Variants in DAPK2 observed in about 807,000 individuals in gnomAD.
DAPK2 encodes the protein death-associated protein kinase 2.
In DAPK2, 35 loss-of-function variants were observed where a neutral mutation model predicts 44.1. The observed-to-expected ratio is 0.79, with a 90% CI of 0.61 to 1.05. The LOEUF (loss-of-function observed/expected upper bound fraction) is 1.05, where lower values mean the gene tolerates loss of function less well. DAPK2 is among the 50% of genes least tolerant of loss of function. The pLI is 0.00. For missense variants in DAPK2, 453 were observed against 483.2 expected (o/e 0.94, Z 0.59); for synonymous variants, 174 against 182.6 (o/e 0.95, Z 0.38).
intron 1 of DAPK2, among the ~76,000 whole-genome samples, chr15:64,021,814 G>C (rs889390112): frequency 2.6e-4 from 40 of 152,184 alleles, no homozygotes; most frequent in African/African-American, 9.4e-4. Flanking sequence ...AGTACAATTA[G>C]TTAAGTGGAA....
chr15:64,038,189 A>G (rs1483636889), intron 1 of DAPK2, among the ~76,000 whole-genome samples: 3 of 152,148 alleles, frequency 2.0e-5, no homozygotes, highest in Non-Finnish European at 4.4e-5. Context: ...CTCTAGTCCA[A>G]TCCAAGAATG....
chr15:63,973,010 T>A (rs988699990), intron 2 of DAPK2, among the ~76,000 whole-genome samples: 2 of 152,160 alleles, frequency 1.3e-5, no homozygotes, highest in Non-Finnish European at 2.9e-5. Flanking sequence ...ATTTCAGAGA[T>A]CGTGGGGGTG....
At chr15:63,946,908 G>A (rs749396734) in intron 3 of DAPK2, among the ~76,000 whole-genome samples, 2 of 152,294 alleles carry the variant, frequency 1.3e-5, no homozygotes, top group South Asian at 2.1e-4. Context: ...AAGGAAGGCC[G>A]CTCCATGCTA....
At chr15:63,961,634 GA>G (rs1415350629) in intron 3 of DAPK2, among the ~76,000 whole-genome samples, 2 of 152,158 alleles carry the variant, frequency 1.3e-5, no homozygotes, top group Non-Finnish European at 2.9e-5. Context: ...ATTCTGGGTT[GA>G]AAATTCTTTT....
chr15:64,035,240 T>C (rs1595920953), intron 1 of DAPK2, among the ~76,000 whole-genome samples: 1 of 152,296 alleles, frequency 6.6e-6, no homozygotes, highest in Non-Finnish European at 1.5e-5. Flanking sequence ...CTTCATTATA[T>C]GCTGCTTACG....
Position 63,908,326 on chromosome 15 carries a change from C to T in DAPK2, c.*194G>A. 2.4e-6 allele frequency: 1 copy of T among 420,556 alleles called. No homozygotes were observed. The highest frequency in any genetic ancestry group is 6.4e-5 in the South Asian group (1 of 15,644). 26.1% of individuals were successfully genotyped at this position (420,556 alleles called of 1,614,324 possible). A position where few individuals can be genotyped will look rare whatever the true frequency, so the allele number is the denominator to read the frequency against. ...AAGAGCTTTGGGAATGCTGGAGCCTCCTCCACAGAAGACAGCCACAGCTCC... is the reference window on the plus strand; with the variant it reads ...AAGAGCTTTGGGAATGCTGGAGCCTTCTCCACAGAAGACAGCCACAGCTCC... On this transcript the variant is annotated 3_prime_UTR_variant, in exon 11 of 11. Coordinates refer to ENST00000261891, the Ensembl canonical transcript of DAPK2. The surrounding 1 kb of genome is among the most constrained non-coding windows in gnomAD (Gnocchi z 5.7).
Position 63,985,306 on chromosome 15 carries a change from C to T in DAPK2, c.93-1552G>A, listed in dbSNP as rs367806806. Reference sequence around the variant, plus strand: ...GAGCTGTGCACACACTAAGGGCTGACGCAGGTGGAGTGGAGCCAGGCCTCC... The same window carrying T: ...GAGCTGTGCACACACTAAGGGCTGATGCAGGTGGAGTGGAGCCAGGCCTCC... On this transcript the variant is annotated intron_variant, in intron 1 of 10. Transcript: ENST00000261891. Among the ~76,000 whole-genome samples, 30 of 152,220 alleles carry T rather than the reference C, an allele frequency of 2.0e-4. 2 individuals carry two copies. The highest frequency in any genetic ancestry group is 7.2e-4 in the Admixed American group (11 of 15,284).
rs1452584460 is a variant in DAPK2 at position 63,917,588 on chromosome 15, A to G, written c.859-5391T>C. The G allele has an allele frequency of 6.6e-6, 1 of 152,056 alleles. No individual in the cohort carries two copies. The highest frequency in any genetic ancestry group is 2.4e-5 in the African/African-American group (1 of 41,398). The allele number at this position is 152,056 out of a possible 1,614,324, so 9.4% of individuals were successfully genotyped here. On this transcript the variant is annotated intron_variant, in intron 8 of 10. Coordinates refer to ENST00000261891, the Ensembl canonical transcript of DAPK2. The surrounding 1 kb of genome is among the most constrained non-coding windows in gnomAD (Gnocchi z 4.4). The stretch of plus-strand genomic sequence containing the variant: ...TTATACTTCTGTGCAAGTTTTGGCA[A>G]TTTTCCTGCTGAGGGGACCATAACA...
At chr15:63,928,722 A>T (rs2079397243) in intron 6 of DAPK2, among the ~76,000 whole-genome samples, 1 of 152,188 alleles carries the variant, frequency 6.6e-6, no homozygotes, top group South Asian at 2.1e-4. Context: ...GAGGTAACTC[A>T]CTACACACTG....
intron 1 of DAPK2, among the ~76,000 whole-genome samples, chr15:64,002,950 GTGTGTGTGTGTGTGTCGTGGGACC>G (rs2079124379): frequency 7.4e-6 from 1 of 134,608 alleles, no homozygotes. Flanking sequence ...GTGTGTGTGT[GTGTGTGTGTGTGTGTCGTGGGACC>G]TGTGTGTGTG....
intron 3 of DAPK2, among the ~76,000 whole-genome samples, chr15:63,947,431 A>G (rs983773983): frequency 1.8e-4 from 28 of 152,296 alleles, no homozygotes; most frequent in African/African-American, 6.3e-4. Context: ...TGTTTACTGG[A>G]CAAATAAAGA....
rs115418485 is a variant in DAPK2 at position 63,980,814 on chromosome 15, G to T, written c.314+2719C>A. Among the ~76,000 whole-genome samples, 715 of 152,316 alleles carry T rather than the reference G, an allele frequency of 4.7e-3. 5 individuals carry two copies. Among genetic ancestry groups the T allele is most frequent in the African/African-American group, 0.017 (692 of 41,570 alleles). ...ACCTTTAAGACGTGATTGGGTCGGG[G>T]TGCGGTGGCTCACGCCTGTAATCCC... On this transcript the variant is annotated intron_variant, in intron 2 of 10. Transcript: ENST00000261891. The surrounding 1 kb of genome is among the most constrained non-coding windows in gnomAD (Gnocchi z 4.3).
chr15:63,928,097 G>A (rs1177370347), intron 6 of DAPK2, among the ~76,000 whole-genome samples: 4 of 152,162 alleles, frequency 2.6e-5, no homozygotes, highest in South Asian at 2.1e-4. Flanking sequence ...AGACCGTTCT[G>A]GCTCTGATCT....
chr15:63,993,930 C>A (rs544715566), intron 1 of DAPK2, among the ~76,000 whole-genome samples: 55 of 152,200 alleles, frequency 3.6e-4, no homozygotes, highest in Non-Finnish European at 1.9e-4. Context: ...TCTGGGTTTC[C>A]TACCGCACAG....
chr15:63,959,613 C>A (rs1413530230), intron 3 of DAPK2, among the ~76,000 whole-genome samples: 2 of 152,170 alleles, frequency 1.3e-5, no homozygotes, highest in African/African-American at 2.4e-5. Context: ...TTGAGATAAT[C>A]ATGTGGTTTT....
intron 3 of DAPK2, among the ~76,000 whole-genome samples, chr15:63,941,415 G>T (rs958324191): frequency 6.6e-6 from 1 of 152,184 alleles, no homozygotes; most frequent in Non-Finnish European, 1.5e-5. Flanking sequence ...GTCCTCAGCC[G>T]GAAGGAGGAC....
At chr15:63,911,976 C>T (rs756118915) in exon 10 of DAPK2, 24 of 1,613,762 alleles carry the variant, frequency 1.5e-5, no homozygotes, top group South Asian at 9.9e-5. Context: ...CACAGGGACA[C>T]GATGCTGAAG....
At chr15:63,935,878 T>C (rs2077131424) in intron 4 of DAPK2, 1 of 152,200 alleles carries the variant, frequency 6.6e-6, no homozygotes, top group Non-Finnish European at 1.5e-5. Flanking sequence ...TTCAACTCTC[T>C]CCTTAGCTGT....
chr15:64,003,438 C>T (rs1472997351), intron 1 of DAPK2, among the ~76,000 whole-genome samples: 1 of 152,202 alleles, frequency 6.6e-6, no homozygotes, highest in Non-Finnish European at 1.5e-5. Flanking sequence ...AAAATCATGT[C>T]CTTACAGGGC....
Sources: allele counts gnomAD v4.1 joint callset (sites outside exome capture counted in the v4.1 genomes callset), GRCh38; gene constraint gnomAD v4.1.1; non-coding constraint Gnocchi (gnomAD v3.1); transcripts MANE v1.5; gene names NCBI Gene and HGNC (gene_info 2026-07-23, HGNC 2026-07-21).